The following ASTN2 variants were observed in gnomAD, a reference collection of about 807,000 sequenced individuals.
ASTN2 encodes astrotactin 2, also known as astrotactin-2.
Under a neutral mutation model 139.8 loss-of-function variants are expected in ASTN2, and 54 were observed. The observed-to-expected ratio is 0.39, with a 90% CI of 0.31 to 0.48. The LOEUF (loss-of-function observed/expected upper bound fraction) is 0.48, where lower values mean the gene tolerates loss of function less well. Ranked by LOEUF, ASTN2 falls within the 20% of genes least tolerant of loss-of-function variation. The probability of loss-of-function intolerance (pLI) is 0.95; values close to 1 mark genes in which losing one functional copy is unlikely to be tolerated. For synonymous variants in ASTN2, 756 were observed against 719.5 expected (o/e 1.05, Z -0.81); for missense variants, 1,565 against 1,725.1 (o/e 0.91, Z 1.64).
intron 2 of ASTN2, among the ~76,000 whole-genome samples, chr9:117,235,188 C>T (rs1371255124): frequency 6.6e-6 from 1 of 151,056 alleles, no homozygotes; most frequent in Non-Finnish European, 1.5e-5. Flanking sequence ...AAGCTGAGAT[C>T]ACACCATCGC....
At chr9:117,284,910 T>C (rs1350682478) in intron 2 of ASTN2, among the ~76,000 whole-genome samples, 4 of 152,224 alleles carry the variant, frequency 2.6e-5, no homozygotes, top group Non-Finnish European at 5.9e-5. Context: ...TCTTACAAGT[T>C]AGTTATACTT....
chr9:117,238,297 C>T (rs1204818875), intron 2 of ASTN2, among the ~76,000 whole-genome samples: 1 of 152,108 alleles, frequency 6.6e-6, no homozygotes, highest in Non-Finnish European at 1.5e-5. Flanking sequence ...CCCCTCTGCA[C>T]TCAATGGGGA....
chr9:116,637,585 T>C (rs117467045), intron 17 of ASTN2, among the ~76,000 whole-genome samples: 1 of 152,174 alleles, frequency 6.6e-6, no homozygotes, highest in African/African-American at 2.4e-5. Context: ...CAGTACAGTG[T>C]TGATAAACAG....
At chr9:116,434,825 G>A (rs543756120) in intron 22 of ASTN2, among the ~76,000 whole-genome samples, 2 of 152,264 alleles carry the variant, frequency 1.3e-5, no homozygotes, top group South Asian at 2.1e-4. Flanking sequence ...ACCTGTGGTC[G>A]TAAGAACCAG....
intron 17 of ASTN2, among the ~76,000 whole-genome samples, chr9:116,627,963 C>T (rs915032595): frequency 6.6e-6 from 1 of 152,190 alleles, no homozygotes; most frequent in Admixed American, 6.5e-5. Context: ...TCCAAGGTCA[C>T]AGAGCTGGTA....
At chr9:117,213,299 G>T (rs1832201491) in intron 3 of ASTN2, among the ~76,000 whole-genome samples, 1 of 152,152 alleles carries the variant, frequency 6.6e-6, no homozygotes, top group Non-Finnish European at 1.5e-5. Flanking sequence ...TAGAAGCTGG[G>T]AAAGGTAGGA....
intron 2 of ASTN2, among the ~76,000 whole-genome samples, chr9:117,243,488 A>G (rs1833276101): frequency 6.6e-6 from 1 of 152,242 alleles, no homozygotes; most frequent in African/African-American, 2.4e-5. Flanking sequence ...GATAATGACA[A>G]CCATTAATAA....
At chr9:116,963,887 AC>A (rs1371930597) in intron 10 of ASTN2, among the ~76,000 whole-genome samples, 1 of 152,076 alleles carries the variant, frequency 6.6e-6, no homozygotes, top group Non-Finnish European at 1.5e-5. Context: ...CGGCAGAGTC[AC>A]CATGAACTGT....
intron 12 of ASTN2, among the ~76,000 whole-genome samples, chr9:116,807,437 G>A (rs180827964): frequency 1.5e-4 from 23 of 152,254 alleles, no homozygotes; most frequent in East Asian, 9.7e-4. Context: ...AATCCCTGGC[G>A]TACTGCACTG....
intron 10 of ASTN2, among the ~76,000 whole-genome samples, chr9:116,915,629 A>G (rs1834422858): frequency 6.6e-6 from 1 of 152,216 alleles, no homozygotes; most frequent in Non-Finnish European, 1.5e-5. Flanking sequence ...TGAAGCCTCC[A>G]TAAAAATCCT....
intron 10 of ASTN2, among the ~76,000 whole-genome samples, chr9:116,933,402 G>A (rs1834966715): frequency 1.3e-5 from 2 of 152,058 alleles, no homozygotes; most frequent in South Asian, 4.2e-4. Context: ...CAGAAGGGGA[G>A]CCGGAGTGAA....
At chr9:116,518,988 G>C (rs892429707) in intron 19 of ASTN2, among the ~76,000 whole-genome samples, 4 of 152,052 alleles carry the variant, frequency 2.6e-5, no homozygotes, top group Non-Finnish European at 5.9e-5. Flanking sequence ...TAATACTGGA[G>C]CTTCCAAATT....
At chr9:116,969,164 G>A (rs1179592784) in intron 10 of ASTN2, among the ~76,000 whole-genome samples, 2 of 152,046 alleles carry the variant, frequency 1.3e-5, no homozygotes, top group African/African-American at 4.8e-5. Flanking sequence ...AGATTGATGT[G>A]GGATATTGGC....
chr9:116,962,943 T>C (rs1835911490), intron 10 of ASTN2, among the ~76,000 whole-genome samples: 1 of 152,124 alleles, frequency 6.6e-6, no homozygotes, highest in Non-Finnish European at 1.5e-5. Context: ...CCACATAAAA[T>C]TAATGTCATT....
At chr9:116,952,293 G>T (rs186422961) in intron 10 of ASTN2, among the ~76,000 whole-genome samples, 2 of 152,162 alleles carry the variant, frequency 1.3e-5, no homozygotes, top group African/African-American at 4.8e-5. Context: ...CATTCCTATT[G>T]GGCTCGCATG....
At chr9:116,692,536 A>G (rs1389295176) in intron 16 of ASTN2, among the ~76,000 whole-genome samples, 1 of 152,202 alleles carries the variant, frequency 6.6e-6, no homozygotes, top group Non-Finnish European at 1.5e-5. Flanking sequence ...GTCCCTTTCC[A>G]TAGATAAACT....
intron 1 of ASTN2, among the ~76,000 whole-genome samples, chr9:117,302,671 G>A (rs775151622): frequency 4.6e-5 from 7 of 152,138 alleles, no homozygotes; most frequent in Non-Finnish European, 8.8e-5. Flanking sequence ...GACCTGACAT[G>A]TAAAATGCAA....
intron 4 of ASTN2, among the ~76,000 whole-genome samples, chr9:117,106,111 G>C (rs916929773): frequency 6.6e-6 from 1 of 152,184 alleles, no homozygotes; most frequent in Non-Finnish European, 1.5e-5. Flanking sequence ...ATTCCGTCCA[G>C]ACTTTTGAAA....
intron 7 of ASTN2, among the ~76,000 whole-genome samples, chr9:116,986,706 GA>G (rs1188976361): frequency 6.6e-6 from 1 of 152,212 alleles, no homozygotes; most frequent in Non-Finnish European, 1.5e-5. Flanking sequence ...CAGAGGCCCA[GA>G]GGGGTAGTAC....
Sources: gnomAD v4.1 joint callset for allele counts (sites outside exome capture counted in the v4.1 genomes callset) on GRCh38, gnomAD v4.1.1 for gene constraint, MANE v1.5 for transcripts, NCBI Gene and HGNC (gene_info 2026-07-23, HGNC 2026-07-21) for gene names.